XIRP2: variants seen among roughly 807,000 people sequenced by gnomAD.
XIRP2 encodes the protein xin actin-binding repeat-containing protein 2.
In XIRP2, 236 loss-of-function variants were observed where a neutral mutation model predicts 277.0. That is an observed-to-expected ratio of 0.85 (90% CI 0.77 to 0.95). The LOEUF is 0.95. XIRP2 is among the 40% of genes least tolerant of loss of function. The pLI is 0.00. For synonymous variants in XIRP2, 1,490 were observed against 1,416.5 expected (o/e 1.05, Z -1.17); for missense variants, 4,640 against 4,157.5 (o/e 1.12, Z -3.19).
intron 2 of XIRP2, among the ~76,000 whole-genome samples, chr2:166,985,400 A>G (rs1026016872): frequency 1.2e-4 from 18 of 152,018 alleles, no homozygotes; most frequent in African/African-American, 4.1e-4. Flanking sequence ...TTTTATGTCC[A>G]TAATTACTAC....
chr2:167,110,800 C>A (rs540554833), intron 2 of XIRP2, among the ~76,000 whole-genome samples: 2 of 152,236 alleles, frequency 1.3e-5, no homozygotes, highest in South Asian at 4.1e-4. Flanking sequence ...TTCCTATCCA[C>A]AAGCATGAAA....
intron 2 of XIRP2, among the ~76,000 whole-genome samples, chr2:167,046,410 T>G (rs1244952678): frequency 6.6e-6 from 1 of 151,912 alleles, no homozygotes; most frequent in Non-Finnish European, 1.5e-5. Context: ...ATTTTTAATA[T>G]GAAGGGATGT....
chr2:167,223,969 T>G (rs916283440), intron 5 of XIRP2, among the ~76,000 whole-genome samples: 3 of 152,162 alleles, frequency 2.0e-5, no homozygotes, highest in African/African-American at 7.2e-5. Flanking sequence ...TACCAGAGAC[T>G]GGTTAATTTG....
chr2:167,083,061 GT>G (rs1205315789), intron 2 of XIRP2, among the ~76,000 whole-genome samples: 4 of 152,206 alleles, frequency 2.6e-5, no homozygotes, highest in Non-Finnish European at 4.4e-5. Context: ...TTCTTCTAGG[GT>G]TTTTTATGGT....
chr2:167,082,699 A>T lies in XIRP2; in HGVS notation c.409-53210A>T, dbSNP rs1268137963. ...ATTTGCATTTCTCTGATGGCCACTG[A>T]TGAGCATTTTTTCATGTGTTTTTTG... On this transcript the variant is annotated intron_variant, in intron 2 of 10. Transcript: ENST00000409195. Among the ~76,000 whole-genome samples, 10 of 152,096 alleles carry T rather than the reference A, an allele frequency of 6.6e-5. No homozygotes were observed. In the East Asian group the frequency reaches 1.9e-3, roughly 29 times the overall value.
chr2:167,213,439 GT>G (rs1191289709), intron 4 of XIRP2, among the ~76,000 whole-genome samples: 1 of 152,028 alleles, frequency 6.6e-6, no homozygotes, highest in Non-Finnish European at 1.5e-5. Flanking sequence ...ACCAAGAACA[GT>G]TTTTTTGTAA....
At chr2:167,016,289 G>A (rs1040975686) in intron 2 of XIRP2, among the ~76,000 whole-genome samples, 1 of 151,762 alleles carries the variant, frequency 6.6e-6, no homozygotes, top group African/African-American at 2.4e-5. Context: ...CTAAAAGTCA[G>A]TTTCATTAGG....
chr2:166,942,975 T>C (rs1685759660), intron 2 of XIRP2, among the ~76,000 whole-genome samples: 1 of 152,152 alleles, frequency 6.6e-6, no homozygotes, highest in African/African-American at 2.4e-5. Context: ...TCAGAAGTTA[T>C]ATTCCAGGAG....
chr2:166,963,108 A>G (rs1413557755), intron 2 of XIRP2, among the ~76,000 whole-genome samples: 5 of 151,814 alleles, frequency 3.3e-5, no homozygotes, highest in Non-Finnish European at 5.9e-5. Flanking sequence ...AAATATTGCA[A>G]TGCATCTCAT....
intron 2 of XIRP2, among the ~76,000 whole-genome samples, chr2:166,984,655 G>A (rs1022343119): frequency 6.6e-6 from 1 of 152,134 alleles, no homozygotes; most frequent in Non-Finnish European, 1.5e-5. Flanking sequence ...GAATTCGGAA[G>A]GTACTAAGGA....
rs1196806244 is a variant in XIRP2 at position 167,246,492 on chromosome 2, T to C, written c.5100T>C (p.Gly1700=). Residue 1700 remains glycine (G), a synonymous_variant, in exon 9 of 11, where the codon GGT becomes GGC. Transcript: ENST00000409195. ...TIYCLLHEND[G]DTIEREEVIG... ...ATTGTCTTCTTCATGAAAATGATGG[T>C]GACACAATTGAGCGTGAAGAAGTAA... 6 of 1,613,592 alleles carry C rather than the reference T, an allele frequency of 3.7e-6. No individual in the cohort carries two copies. Among genetic ancestry groups the C allele is most frequent in the Non-Finnish European group, 5.1e-6 (6 of 1,179,818 alleles).
At chr2:167,241,414 A>T (rs1695060735) in intron 7 of XIRP2, among the ~76,000 whole-genome samples, 1 of 152,204 alleles carries the variant, frequency 6.6e-6, no homozygotes, top group African/African-American at 2.4e-5. Context: ...AATTTGGAAA[A>T]TCCAGAGATA....
chr2:167,210,479 T>A (rs11893771), intron 3 of XIRP2, among the ~76,000 whole-genome samples: 65,351 of 152,098 alleles, frequency 0.43, 17,736 homozygotes, highest in African/African-American at 0.78. Flanking sequence ...GTTACTAAGT[T>A]TTTCTCATCA....
At chr2:167,181,094 A>C (rs1163036826) in intron 3 of XIRP2, among the ~76,000 whole-genome samples, 1 of 152,120 alleles carries the variant, frequency 6.6e-6, no homozygotes, top group African/African-American at 2.4e-5. Flanking sequence ...TCCCTTAAAA[A>C]CCTAACAACA....
chr2:166,896,804 C>T (rs988876448), intron 1 of XIRP2, among the ~76,000 whole-genome samples: 3 of 152,114 alleles, frequency 2.0e-5, no homozygotes, highest in Admixed American at 1.3e-4. Context: ...ACTTCTAGTC[C>T]TGCAAGCTCC....
intron 3 of XIRP2, among the ~76,000 whole-genome samples, chr2:167,194,860 T>C (rs1022410104): frequency 6.6e-6 from 1 of 152,276 alleles, no homozygotes; most frequent in Middle Eastern, 3.4e-3. Flanking sequence ...TTCTAAAGCA[T>C]CAGTCCCTGG....
Position 167,250,132 on chromosome 2 carries a change from A to G in XIRP2, c.8740A>G (p.Lys2914Glu), listed in dbSNP as rs766343550. The G allele has an allele frequency of 2.5e-6, 4 of 1,613,208 alleles. No homozygotes were observed. The highest frequency in any genetic ancestry group is 3.4e-6 in the Non-Finnish European group (4 of 1,179,606). ...AGAGAAACAAGTCTTCTCTAATACT[A>G]AAGATTCAAAGCAAGAGATTACACA... ...IQEKQVFSNT[K>E]DSKQEITQNK... The change falls in exon 9 of 11, where the codon AAA (lysine) becomes GAA (glutamate). Residue 2914 changes from lysine to glutamate, a missense_variant. Transcript: ENST00000409195.
intron 5 of XIRP2, among the ~76,000 whole-genome samples, chr2:167,228,723 G>GA (rs1266147815): frequency 1.3e-5 from 2 of 151,944 alleles, no homozygotes; most frequent in African/African-American, 2.4e-5. Context: ...CAATTGCTTT[G>GA]AAAAAATCAT....
At chr2:167,144,767 T>G (rs1408972501) in intron 3 of XIRP2, among the ~76,000 whole-genome samples, 3 of 152,176 alleles carry the variant, frequency 2.0e-5, no homozygotes, top group Non-Finnish European at 4.4e-5. Flanking sequence ...ATATTGCCTT[T>G]TGGGATATGG....
Sources: gnomAD v4.1 joint callset for allele counts (sites outside exome capture counted in the v4.1 genomes callset) on GRCh38, gnomAD v4.1.1 for gene constraint, MANE v1.5 for transcripts, NCBI Gene and HGNC (gene_info 2026-07-23, HGNC 2026-07-21) for gene names.